LMF1: variants seen among roughly 807,000 people sequenced by gnomAD.
LMF1 encodes lipase maturation factor 1, also known as transmembrane protein 112.
LMF1 carries 68 observed loss-of-function variants against 60.6 expected under a neutral mutation model. The observed-to-expected ratio is 1.12, with a 90% CI of 0.92 to 1.37. The LOEUF is 1.37. LMF1 is among the 40% of genes most tolerant of loss of function. The probability of loss-of-function intolerance (pLI) is 0.00; values close to 1 mark genes in which losing one functional copy is unlikely to be tolerated. For synonymous variants in LMF1, 418 were observed against 324.7 expected, an observed-to-expected ratio of 1.29 and a Z score of -3.09; for missense variants, 948 against 767.2, an observed-to-expected ratio of 1.24 and a Z score of -2.78.
intron 5 of LMF1, chr16:883,898 G>A (rs2070233972): frequency 6.6e-6 from 1 of 152,188 alleles, no homozygotes; most frequent in Non-Finnish European, 1.5e-5. Context: ...ATTAGATCAT[G>A]TTGGTTAGTA....
chr16:865,442 CCAGG>C (rs1387950323), intron 10 of LMF1, among the ~76,000 whole-genome samples: 2 of 151,598 alleles, frequency 1.3e-5, no homozygotes, highest in African/African-American at 4.8e-5. Flanking sequence ...CCTCTGCCTC[CCAGG>C]TTCAAGCAAT....
intron 1 of LMF1, among the ~76,000 whole-genome samples, chr16:978,117 C>T (rs2073219937): frequency 7.3e-6 from 1 of 137,672 alleles, no homozygotes; most frequent in African/African-American, 2.8e-5. Context: ...ACACCACACA[C>T]CATACACACA....
chr16:980,558 T>G (rs2151515279), intron 1 of LMF1: 1 of 152,172 alleles, frequency 6.6e-6, no homozygotes, highest in East Asian at 1.9e-4. Context: ...GTCACCCGGG[T>G]TTCGCGGGCC....
intron 1 of LMF1, chr16:964,225 G>A: frequency 2.3e-6 from 1 of 439,832 alleles, no homozygotes; most frequent in Non-Finnish European, 4.6e-6. Context: ...GAAATCGGAA[G>A]GCGGAGGTTG....
rs1036019586 is a variant in LMF1, at chr16:911,135, G to T, written c.515-56C>A. 7 of 1,566,680 alleles carry T rather than the reference G, an allele frequency of 4.5e-6. No individual in the cohort carries two copies. In the African/African-American group the frequency reaches 5.4e-5, roughly 12 times the overall value. On this transcript the variant is annotated intron_variant, in intron 3 of 10. Coordinates refer to ENST00000262301, the MANE Select transcript of LMF1 (RefSeq NM_022773.4). ...TAATGGAAGCCACACATTTCACAAA[G>T]AAATCATTTCAGAAACTCAGTTTAA...
chr16:896,749 A>G (rs1159913752), intron 4 of LMF1, among the ~76,000 whole-genome samples: 3 of 152,328 alleles, frequency 2.0e-5, no homozygotes, highest in South Asian at 2.1e-4. Flanking sequence ...GTGGAACTCT[A>G]TGGAGATTCA....
upstream of LMF1, among the ~76,000 whole-genome samples, chr16:971,928 TC>T: frequency 1.3e-5 from 2 of 152,368 alleles, no homozygotes; most frequent in Admixed American, 1.3e-4. Flanking sequence ...GAAATATTTG[TC>T]CTGGTTTTTT....
intron 5 of LMF1, among the ~76,000 whole-genome samples, chr16:886,265 C>T (rs2151722360): frequency 6.6e-6 from 1 of 152,292 alleles, no homozygotes; most frequent in African/African-American, 2.4e-5. Context: ...GCGCTGCTGT[C>T]CTTGGCTGCG....
rs577622174 is a variant in LMF1, at chr16:954,991, G to A, written c.194-325C>T. On this transcript the variant is annotated intron_variant, in intron 1 of 10. Transcript: ENST00000262301. ...ACACATATCTAAGTGAACCAGACAC[G>A]TTACATAAAATGCGTGCCTGCAGCA... Among the ~76,000 whole-genome samples, 22 of 148,424 alleles carry A rather than the reference G, an allele frequency of 1.5e-4. 1 individual carries two copies. Among genetic ancestry groups the A allele is most frequent in the East Asian group, 4.1e-4 (2 of 4,896 alleles).
At chr16:958,880 G>A (rs2072763619) in intron 1 of LMF1, among the ~76,000 whole-genome samples, 1 of 150,788 alleles carries the variant, frequency 6.6e-6, no homozygotes, top group African/African-American at 2.5e-5. Context: ...GAGTAAGACT[G>A]TCTCAAAAAA....
chr16:926,481 C>T (rs186325101), intron 3 of LMF1, among the ~76,000 whole-genome samples: 127 of 152,304 alleles, frequency 8.3e-4, no homozygotes, highest in Non-Finnish European at 1.5e-3. Context: ...TCTGTGTGTG[C>T]GCATGTGCGC....
At chr16:907,867 C>A (rs2071009247) in intron 4 of LMF1, among the ~76,000 whole-genome samples, 1 of 152,248 alleles carries the variant, frequency 6.6e-6, no homozygotes, top group African/African-American at 2.4e-5. Context: ...ATAATTTCTT[C>A]TCCAGCTGGC....
At chr16:932,036 C>T (rs957965203) in intron 3 of LMF1, among the ~76,000 whole-genome samples, 3 of 152,222 alleles carry the variant, frequency 2.0e-5, no homozygotes, top group Non-Finnish European at 2.9e-5. Context: ...GCTCACGTCC[C>T]ACCCCCCATG....
chr16:950,257 G>A lies in LMF1; in HGVS notation c.503+4100C>T, dbSNP rs182896663. Among the ~76,000 whole-genome samples, 53 of 103,172 alleles carry A rather than the reference G, an allele frequency of 5.1e-4. 8 individuals carry two copies. The highest frequency in any genetic ancestry group is 8.6e-3 in the Middle Eastern group (2 of 232). 67.7% of individuals were successfully genotyped at this position (103,172 alleles called of 152,430 possible). A position where few individuals can be genotyped will look rare whatever the true frequency, so the allele number is the denominator to read the frequency against. On this transcript the variant is annotated intron_variant, in intron 2 of 10. Coordinates refer to ENST00000262301, the MANE Select transcript of LMF1 (RefSeq NM_022773.4). ...AGAGACAATGACAGAGTCAGCCAAC[G>A]ACAGAGTCAGCCAACGACAGAGTCA...
At chr16:873,878 G>T (rs58028352) in intron 6 of LMF1, 78,210 of 152,352 alleles carry the variant, frequency 0.51, 20,144 homozygotes, top group South Asian at 0.61. Context: ...GCCTTGCAAA[G>T]GAATCGGAGT....
At chr16:894,430 G>C (rs1398022146) in intron 4 of LMF1, among the ~76,000 whole-genome samples, 1 of 116,478 alleles carries the variant, frequency 8.6e-6, no homozygotes, top group Non-Finnish European at 1.7e-5. Context: ...CTCATCCCCT[G>C]TCCACCTGGC....
At chr16:952,790 C>T (rs541325061) in intron 2 of LMF1, 4 of 178,276 alleles carry the variant, frequency 2.2e-5, no homozygotes, top group Non-Finnish European at 4.9e-5. Context: ...CACCCCAAAC[C>T]AGCCTCCTAC....
chr16:919,106 G>A (rs973622764), intron 3 of LMF1, among the ~76,000 whole-genome samples: 5 of 152,022 alleles, frequency 3.3e-5, no homozygotes, highest in African/African-American at 1.2e-4. Flanking sequence ...GCAGAATCAG[G>A]TGTTCCCCTC....
intron 2 of LMF1, among the ~76,000 whole-genome samples, chr16:944,417 AT>A (rs1239128086): frequency 1.6e-4 from 25 of 152,226 alleles, no homozygotes; most frequent in Non-Finnish European, 1.5e-5. Flanking sequence ...TGCCGCACAA[AT>A]GCAAGCTGCC....
Sources: allele counts gnomAD v4.1 joint callset (sites outside exome capture counted in the v4.1 genomes callset), GRCh38; gene constraint gnomAD v4.1.1; transcripts MANE v1.5; gene names NCBI Gene and HGNC (gene_info 2026-07-23, HGNC 2026-07-21).